FBXO31: variants seen among roughly 807,000 people sequenced by gnomAD.
FBXO31 encodes F-box only protein 31.
FBXO31 carries 24 observed loss-of-function variants against 54.4 expected under a neutral mutation model. The ratio of observed to expected loss-of-function variants is 0.44; its 90% CI spans 0.32 to 0.62. FBXO31 has a LOEUF of 0.62. Ranked by LOEUF, FBXO31 falls within the 20% of genes least tolerant of loss-of-function variation. The pLI, the probability that FBXO31 is intolerant of heterozygous loss-of-function variation, is 0.05. For missense variants in FBXO31, 665 were observed against 787.1 expected (o/e 0.84, Z 1.86); for synonymous variants, 388 against 335.6 (o/e 1.16, Z -1.71).
chr16:87,336,303 G>A lies in FBXO31; in HGVS notation c.733-39C>T. ...ACAGGTCATGAATATCCATATGACA[G>A]GAGGCTGTGAAGAGGCTGCCGGCTG... is the stretch of plus-strand genomic sequence containing the variant. On this transcript the variant is annotated intron_variant, in intron 5 of 8. Transcript: ENST00000311635. This position sits in a 1 kb window ranked among gnomAD's most constrained non-coding sequence, Gnocchi z 6.5. 1 of 1,592,104 alleles carries A rather than the reference G, an allele frequency of 6.3e-7. No individual in the cohort carries two copies. Among genetic ancestry groups the A allele is most frequent in the Non-Finnish European group, 8.6e-7 (1 of 1,161,816 alleles).
At chr16:87,368,369 A>G (rs1244973604) in intron 1 of FBXO31, among the ~76,000 whole-genome samples, 5 of 152,256 alleles carry the variant, frequency 3.3e-5, no homozygotes, top group African/African-American at 1.2e-4. Context: ...TTATTGTTCT[A>G]TAAACCTTCT....
At chr16:87,348,584 A>G (rs1905498660) in intron 2 of FBXO31, among the ~76,000 whole-genome samples, 1 of 152,126 alleles carries the variant, frequency 6.6e-6, no homozygotes, top group South Asian at 2.1e-4. Context: ...GCCAACATAT[A>G]GGGTGCTTTG....
chr16:87,363,897 C>T (rs541933212), intron 1 of FBXO31, among the ~76,000 whole-genome samples: 1 of 152,342 alleles, frequency 6.6e-6, no homozygotes, highest in East Asian at 1.9e-4. Context: ...TCAGCTCCCC[C>T]TTCCGAGCTC....
intron 1 of FBXO31, among the ~76,000 whole-genome samples, chr16:87,382,606 C>T (rs1235549392): frequency 1.3e-5 from 2 of 152,318 alleles, no homozygotes; most frequent in East Asian, 1.9e-4. Context: ...GCCCCCGACA[C>T]TGGGCTTCCC....
intron 2 of FBXO31, among the ~76,000 whole-genome samples, chr16:87,351,170 G>C (rs1318756135): frequency 6.6e-6 from 1 of 152,188 alleles, no homozygotes; most frequent in East Asian, 1.9e-4. Flanking sequence ...ACTTTAAAAA[G>C]AGTCCTTACG....
intron 1 of FBXO31, among the ~76,000 whole-genome samples, chr16:87,369,232 G>A (rs1327787423): frequency 2.0e-5 from 3 of 151,722 alleles, no homozygotes; most frequent in Non-Finnish European, 2.9e-5. Flanking sequence ...TTGACTGTAC[G>A]GCTCACGGGG....
rs77633670 is a variant in FBXO31, at chr16:87,344,136, A to G, written c.490-371T>C. 6.4e-3 allele frequency among the ~76,000 whole-genome samples: 968 copies of G among 152,384 alleles called. 14 individuals carry two copies. The highest frequency in any genetic ancestry group is 0.022 in the African/African-American group (930 of 41,594). ...TTTGAGATGATCAGGGAAGCATCCCATGGCCTGGGCAACAGGCAACACAAG... is the reference window on the plus strand; with the variant it reads ...TTTGAGATGATCAGGGAAGCATCCCGTGGCCTGGGCAACAGGCAACACAAG... On this transcript the variant is annotated intron_variant, in intron 3 of 8. Coordinates refer to ENST00000311635, the MANE Select transcript of FBXO31 (RefSeq NM_024735.5).
At chr16:87,342,798 C>T (rs759420976) in intron 5 of FBXO31, 79 bp downstream of exon 5, 7 of 1,271,038 alleles carry the variant, frequency 5.5e-6, no homozygotes, top group Non-Finnish European at 7.6e-6. Context: ...TGACTTCTCT[C>T]CCGCATGGGT....
intron 1 of FBXO31, among the ~76,000 whole-genome samples, chr16:87,369,810 T>A (rs1034574975): frequency 2.6e-5 from 4 of 152,224 alleles, no homozygotes; most frequent in African/African-American, 7.2e-5. Flanking sequence ...AGGGTCTCAC[T>A]TTCTGTCAGC....
At chr16:87,379,678 G>A (rs1013948000) in intron 1 of FBXO31, among the ~76,000 whole-genome samples, 2 of 151,932 alleles carry the variant, frequency 1.3e-5, no homozygotes, top group African/African-American at 2.4e-5. Flanking sequence ...AGGGTCTGTG[G>A]GACAGACCCG....
rs143125219 is a variant in FBXO31 at position 87,336,838 on chromosome 16, C to G, written c.733-574G>C. ...CAAAAACTCCGCAGCCCCACCAGTC[C>G]GCCCTGCATTCTGCCATCACATGGT... is the stretch of plus-strand genomic sequence containing the variant. On this transcript the variant is annotated intron_variant, in intron 5 of 8. Coordinates refer to ENST00000311635, the MANE Select transcript of FBXO31 (RefSeq NM_024735.5). This position sits in a 1 kb window ranked among gnomAD's most constrained non-coding sequence, Gnocchi z 6.5. Among the ~76,000 whole-genome samples the G allele has an allele frequency of 1.3e-5, 2 of 152,198 alleles. No individual in the cohort carries two copies. The highest frequency in any genetic ancestry group is 2.9e-5 in the Non-Finnish European group (2 of 68,040).
intron 2 of FBXO31, 141 bp downstream of exon 2, chr16:87,360,154 C>T: frequency 1.4e-6 from 1 of 724,512 alleles, no homozygotes; most frequent in Non-Finnish European, 2.4e-6. Context: ...ACTACCAGTG[C>T]TCTATTCAAA....
chr16:87,353,317 A>G (rs975367165), intron 2 of FBXO31, among the ~76,000 whole-genome samples: 2 of 152,200 alleles, frequency 1.3e-5, no homozygotes, highest in South Asian at 4.1e-4. Flanking sequence ...CCCTTGCCTC[A>G]GGACCCGCAC....
intron 2 of FBXO31, among the ~76,000 whole-genome samples, chr16:87,356,124 G>T (rs1333835469): frequency 1.3e-5 from 2 of 151,754 alleles, no homozygotes; most frequent in Non-Finnish European, 2.9e-5. Context: ...AGCTACTTGG[G>T]ACGCTGAGGC....
rs766561748 is a variant in FBXO31 at position 87,335,496 on chromosome 16, G to A, written c.843-39C>T. On this transcript the variant is annotated intron_variant, in intron 6 of 8. Coordinates refer to ENST00000311635, the MANE Select transcript of FBXO31 (RefSeq NM_024735.5). The surrounding 1 kb of genome is among the most constrained non-coding windows in gnomAD (Gnocchi z 5.7). ...ACGGGTCAGTACAGGAGACCTCGTG[G>A]GGCAGGCAGGACTGAGAACGCCCAA... 3 of 1,586,192 alleles carry A rather than the reference G, an allele frequency of 1.9e-6. No homozygotes were observed. The highest frequency in any genetic ancestry group is 2.6e-6 in the Non-Finnish European group (3 of 1,166,386).
Position 87,376,394 on chromosome 16 carries a change from C to G in FBXO31, c.340+7011G>C, listed in dbSNP as rs749912454. ...GTTCAAGCTATTCTCCTGCCTCAGT[C>G]ACCCAAGTAACTGGGATTACAGGTG... On this transcript the variant is annotated intron_variant, in intron 1 of 8. Coordinates refer to ENST00000311635, the MANE Select transcript of FBXO31 (RefSeq NM_024735.5). Among the ~76,000 whole-genome samples, 18 of 152,086 alleles carry G rather than the reference C, an allele frequency of 1.2e-4. No individual in the cohort carries two copies. The Middle Eastern group carries it at 0.014, about 115-fold the overall frequency.
At chr16:87,352,412 T>C (rs1032030698) in intron 2 of FBXO31, among the ~76,000 whole-genome samples, 2 of 152,154 alleles carry the variant, frequency 1.3e-5, no homozygotes, top group African/African-American at 4.8e-5. Context: ...ATGCTGAGAC[T>C]TGTAAGATTT....
At chr16:87,362,521 T>C (rs1265076216) in intron 1 of FBXO31, 1 of 152,212 alleles carries the variant, frequency 6.6e-6, no homozygotes, top group East Asian at 1.9e-4. Context: ...CAGGCTGTAG[T>C]ATAGTGGCTA....
chr16:87,334,080 C>T lies in FBXO31; in HGVS notation c.1203G>A (p.Gln401=). ...GRGRQGPRES[Q]PSPAQPRAEA... is the part of the protein sequence containing the mutation. Reference sequence around the variant, plus strand: ...CTGCCCTGGGCTGGGCAGGGCTTGGCTGGGACTCCCGGGGGCCCTGCCGGC... The same window carrying T: ...CTGCCCTGGGCTGGGCAGGGCTTGGTTGGGACTCCCGGGGGCCCTGCCGGC... Residue 401 remains glutamine (Q), a synonymous_variant, in exon 8 of 9, where the codon CAG becomes CAA. Coordinates refer to ENST00000311635, the MANE Select transcript of FBXO31 (RefSeq NM_024735.5). 1 of 1,610,554 alleles carries T rather than the reference C, an allele frequency of 6.2e-7. No individual in the cohort carries two copies. Among genetic ancestry groups the T allele is most frequent in the Non-Finnish European group, 8.5e-7 (1 of 1,178,552 alleles).
Sources: allele counts gnomAD v4.1 joint callset (sites outside exome capture counted in the v4.1 genomes callset), GRCh38; gene constraint gnomAD v4.1.1; non-coding constraint Gnocchi (gnomAD v3.1); transcripts MANE v1.5; gene names NCBI Gene and HGNC (gene_info 2026-07-23, HGNC 2026-07-21).